Variants in CNTNAP5 observed in about 807,000 individuals in gnomAD.
The protein encoded by CNTNAP5 is contactin-associated protein-like 5.
In CNTNAP5, 72 loss-of-function variants were observed where a neutral mutation model predicts 150.2. That is an observed-to-expected ratio of 0.48 (90% CI 0.40 to 0.58). CNTNAP5 has a LOEUF of 0.58. CNTNAP5 is among the 20% of genes least tolerant of loss of function. The pLI is 0.00. For missense variants in CNTNAP5, 1,636 were observed against 1,626.2 expected, an observed-to-expected ratio of 1.01 and a Z score of -0.10; for synonymous variants, 672 against 619.8, an observed-to-expected ratio of 1.08 and a Z score of -1.25.
In CNTNAP5 at chr2:124,747,788, C is replaced by CTTTT. The variant is rs34959025; in HGVS notation, c.2234+429_2234+432dup. ...GCACATGCCACCACTCCTAACTCTT[C>CTTTT]TTTTTTTTTTTTTTTTTTTTTTTTT... is the stretch of plus-strand genomic sequence containing the variant. On this transcript the variant is annotated intron_variant, in intron 14 of 23. Coordinates refer to ENST00000682447, the MANE Select transcript of CNTNAP5 (RefSeq NM_001367498.1). Among the ~76,000 whole-genome samples, 311 of 42,470 alleles carry CTTTT rather than the reference C, an allele frequency of 7.3e-3. 18 individuals are homozygous for CTTTT. The highest frequency in any genetic ancestry group is 0.067 in the Middle Eastern group (2 of 30). The allele number at this position is 42,470 out of a possible 152,430, so 27.9% of individuals were successfully genotyped here.
intron 1 of CNTNAP5, among the ~76,000 whole-genome samples, chr2:124,053,446 C>T (rs545928620): frequency 1.7e-4 from 26 of 152,302 alleles, no homozygotes; most frequent in African/African-American, 6.3e-4. Context: ...AGGTTTCTGT[C>T]TTGAGACAGG....
At chr2:124,680,967 A>G (rs1679054791) in intron 13 of CNTNAP5, 2 of 151,628 alleles carry the variant, frequency 1.3e-5, no homozygotes, top group African/African-American at 4.8e-5. Flanking sequence ...TCCTAAGACC[A>G]GTGGATGACT....
chr2:124,494,754 A>C (rs1211794107), intron 7 of CNTNAP5, among the ~76,000 whole-genome samples: 1 of 152,210 alleles, frequency 6.6e-6, no homozygotes, highest in Non-Finnish European at 1.5e-5. Flanking sequence ...ATTGGGTTTC[A>C]AACCTAGATG....
At chr2:124,055,651 T>A (rs754906844) in intron 1 of CNTNAP5, among the ~76,000 whole-genome samples, 1 of 152,006 alleles carries the variant, frequency 6.6e-6, no homozygotes, top group African/African-American at 2.4e-5. Flanking sequence ...TTTGTCCCCA[T>A]CCTGACCTGG....
intron 1 of CNTNAP5, among the ~76,000 whole-genome samples, chr2:124,131,853 G>A (rs1262654145): frequency 1.3e-5 from 2 of 152,138 alleles, no homozygotes; most frequent in Non-Finnish European, 2.9e-5. Flanking sequence ...GCTCTTTTTA[G>A]TTGAGTGGGG....
chr2:124,242,674 TA>T (rs1159336248), intron 3 of CNTNAP5, among the ~76,000 whole-genome samples: 8 of 152,118 alleles, frequency 5.3e-5, no homozygotes, highest in Admixed American at 2.0e-4. Flanking sequence ...AAAAATTAAT[TA>T]AAAAACAGAT....
At chr2:124,847,089 T>C (rs541347012) in intron 19 of CNTNAP5, among the ~76,000 whole-genome samples, 1 of 152,312 alleles carries the variant, frequency 6.6e-6, no homozygotes, top group East Asian at 1.9e-4. Context: ...ATGCATCACA[T>C]GTGGCCCTAT....
At chr2:124,492,419 T>G (rs1443910046) in intron 7 of CNTNAP5, among the ~76,000 whole-genome samples, 1 of 152,204 alleles carries the variant, frequency 6.6e-6, no homozygotes, top group Non-Finnish European at 1.5e-5. Context: ...TCTGAGTTCT[T>G]TGTTCTGTTG....
intron 3 of CNTNAP5, among the ~76,000 whole-genome samples, chr2:124,261,223 G>A (rs1687444637): frequency 6.6e-6 from 1 of 152,100 alleles, no homozygotes; most frequent in Non-Finnish European, 1.5e-5. Context: ...GCTATTCTGT[G>A]TTGGGACTCA....
At chr2:124,380,902 C>T (rs575390919) in intron 3 of CNTNAP5, among the ~76,000 whole-genome samples, 14 of 152,058 alleles carry the variant, frequency 9.2e-5, no homozygotes, top group South Asian at 4.2e-4. Context: ...ATATGTGTCA[C>T]GCAAAAAAGT....
chr2:124,337,475 T>C (rs964073228), intron 3 of CNTNAP5, among the ~76,000 whole-genome samples: 1 of 152,218 alleles, frequency 6.6e-6, no homozygotes, highest in Non-Finnish European at 1.5e-5. Flanking sequence ...TGGTATTCCC[T>C]AGGTTTTCTT....
At chr2:124,631,596 G>A (rs1677861789) in intron 12 of CNTNAP5, among the ~76,000 whole-genome samples, 2 of 151,996 alleles carry the variant, frequency 1.3e-5, no homozygotes, top group African/African-American at 4.8e-5. Context: ...AGACTTAAGG[G>A]CATAACCCAA....
intron 3 of CNTNAP5, among the ~76,000 whole-genome samples, chr2:124,359,170 T>A (rs1017448595): frequency 1.1e-4 from 17 of 152,312 alleles, no homozygotes; most frequent in Middle Eastern, 3.4e-3. Context: ...TCATTTTTTA[T>A]TGTGTCTATT....
intron 3 of CNTNAP5, among the ~76,000 whole-genome samples, chr2:124,367,871 T>C (rs1246880673): frequency 7.9e-5 from 12 of 152,210 alleles, no homozygotes; most frequent in Non-Finnish European, 1.8e-4. Flanking sequence ...GGAAGAGGAC[T>C]AGCAGGTAAT....
Position 124,434,432 on chromosome 2 carries a change from A to G in CNTNAP5, c.530-52A>G, listed in dbSNP as rs1692472012. On this transcript the variant is annotated intron_variant, in intron 4 of 23. Transcript: ENST00000682447. ...AAATAAGATGGGAAACAGTAACAGC[A>G]GTCATGAGAATATGCACTAATTTTT... 3.9e-6 allele frequency: 5 copies of G among 1,277,996 alleles called. No individual in the cohort carries two copies. In the South Asian group the frequency reaches 4.7e-5, roughly 12 times the overall value. 79.2% of individuals were successfully genotyped at this position (1,277,996 alleles called of 1,614,324 possible).
At chr2:124,058,565 C>T (rs1681918785) in intron 1 of CNTNAP5, among the ~76,000 whole-genome samples, 1 of 152,178 alleles carries the variant, frequency 6.6e-6, no homozygotes, top group African/African-American at 2.4e-5. Flanking sequence ...CCTCTCCTCC[C>T]TGTACTATCC....
intron 1 of CNTNAP5, among the ~76,000 whole-genome samples, chr2:124,124,847 A>G (rs1355006389): frequency 2.6e-5 from 4 of 152,342 alleles, no homozygotes; most frequent in African/African-American, 4.8e-5. Flanking sequence ...AAAATCCTTT[A>G]CAGACAAACA....
At chr2:124,424,334 A>G (rs910810143) in intron 4 of CNTNAP5, among the ~76,000 whole-genome samples, 1 of 152,194 alleles carries the variant, frequency 6.6e-6, no homozygotes, top group Non-Finnish European at 1.5e-5. Context: ...CAGAAGGCAC[A>G]GTTTACAGCT....
chr2:124,536,567 C>T (rs1239818586), intron 10 of CNTNAP5, among the ~76,000 whole-genome samples: 1 of 152,124 alleles, frequency 6.6e-6, no homozygotes. Context: ...CAGTGACTGC[C>T]AAGGTCATAT....
Sources: gnomAD v4.1 joint callset for allele counts (sites outside exome capture counted in the v4.1 genomes callset) on GRCh38, gnomAD v4.1.1 for gene constraint, MANE v1.5 for transcripts, NCBI Gene and HGNC (gene_info 2026-07-23, HGNC 2026-07-21) for gene names.